Variants in PPTC7 observed in about 807,000 individuals in gnomAD.
PPTC7 encodes protein phosphatase PTC7 homolog.
PPTC7 carries 6 observed loss-of-function variants against 30.8 expected under a neutral mutation model. The ratio of observed to expected loss-of-function variants is 0.19; its 90% CI spans 0.11 to 0.38. PPTC7 has a LOEUF of 0.38. Ranked by LOEUF, PPTC7 falls within the 10% of genes least tolerant of loss-of-function variation. The pLI, the probability that PPTC7 is intolerant of heterozygous loss-of-function variation, is 1.00. For synonymous variants in PPTC7, 163 were observed against 168.1 expected, an observed-to-expected ratio of 0.97 and a Z score of 0.23; for missense variants, 218 against 404.8, an observed-to-expected ratio of 0.54 and a Z score of 3.96.
chr12:110,575,393 T>G (rs927288507), intron 1 of PPTC7, among the ~76,000 whole-genome samples: 2 of 151,972 alleles, frequency 1.3e-5, no homozygotes, highest in Non-Finnish European at 2.9e-5. Context: ...TAAAATGAAT[T>G]TGACATTTAG....
chr12:110,564,414 T>C (rs2064462843), intron 1 of PPTC7, among the ~76,000 whole-genome samples: 1 of 152,232 alleles, frequency 6.6e-6, no homozygotes, highest in African/African-American at 2.4e-5. Flanking sequence ...CTATCTGATA[T>C]ATGCCTACTT....
chr12:110,552,386 G>A (rs939966102), intron 1 of PPTC7, among the ~76,000 whole-genome samples: 8 of 152,154 alleles, frequency 5.3e-5, no homozygotes, highest in East Asian at 1.9e-4. Context: ...CATCAAAAGC[G>A]GCAACCTTTT....
At chr12:110,548,352 C>T (rs1157521004) in intron 2 of PPTC7, among the ~76,000 whole-genome samples, 1 of 152,172 alleles carries the variant, frequency 6.6e-6, no homozygotes, top group Non-Finnish European at 1.5e-5. Context: ...ATATACATGT[C>T]TTTCTCATGC....
chr12:110,539,693 T>C, intron 4 of PPTC7, 129 bp downstream of exon 4: 2 of 849,704 alleles, frequency 2.4e-6, no homozygotes, highest in South Asian at 2.1e-5. Context: ...ACCAGAGCTA[T>C]TATTATTTTC....
At chr12:110,542,398 G>C (rs1345891810) in intron 3 of PPTC7, among the ~76,000 whole-genome samples, 1 of 151,878 alleles carries the variant, frequency 6.6e-6, no homozygotes, top group Non-Finnish European at 1.5e-5. Flanking sequence ...CGGGCTGTGG[G>C]TGGTGGCTCA....
intron 1 of PPTC7, among the ~76,000 whole-genome samples, chr12:110,565,166 C>T (rs1423033148): frequency 6.6e-6 from 1 of 151,358 alleles, no homozygotes; most frequent in African/African-American, 2.4e-5. Context: ...CACGCCTGGC[C>T]TATATTTTTT....
At chr12:110,574,628 T>G (rs905941171) in intron 1 of PPTC7, among the ~76,000 whole-genome samples, 1 of 152,196 alleles carries the variant, frequency 6.6e-6, no homozygotes. Flanking sequence ...TCAACTCAAG[T>G]TGAAATGAAT....
At chr12:110,577,842 G>C (rs1050956546) in intron 1 of PPTC7, among the ~76,000 whole-genome samples, 2 of 152,116 alleles carry the variant, frequency 1.3e-5, no homozygotes, top group South Asian at 4.1e-4. Context: ...TCTAAACTGT[G>C]GTTTAGCATG....
intron 1 of PPTC7, among the ~76,000 whole-genome samples, chr12:110,557,753 T>C (rs182227552): frequency 7.9e-5 from 12 of 152,330 alleles, no homozygotes; most frequent in Non-Finnish European, 1.5e-4. Flanking sequence ...TACCTGAGAC[T>C]AGGTAATTTA....
intron 1 of PPTC7, among the ~76,000 whole-genome samples, chr12:110,568,621 T>A (rs2064506639): frequency 6.6e-6 from 1 of 152,164 alleles, no homozygotes; most frequent in South Asian, 2.1e-4. Context: ...AACATCAGGG[T>A]TGAAGTCTGT....
chr12:110,537,797 A>G lies in PPTC7; in HGVS notation c.856+347T>C, dbSNP rs896879712. 2.0e-5 allele frequency among the ~76,000 whole-genome samples: 3 copies of G among 152,338 alleles called. No individual in the cohort carries two copies. The East Asian group carries it at 5.8e-4, about 29-fold the overall frequency. On this transcript the variant is annotated intron_variant, in intron 5 of 5. Coordinates refer to ENST00000354300, the MANE Select transcript of PPTC7 (RefSeq NM_139283.2). ...GAGGAAGGGAGAAGCGAAATGTCAG[A>G]CACGTGAAAGGCTGAATGTTAAACT...
At chr12:110,569,409 A>G (rs1057427794) in intron 1 of PPTC7, among the ~76,000 whole-genome samples, 2 of 152,214 alleles carry the variant, frequency 1.3e-5, no homozygotes, top group Non-Finnish European at 2.9e-5. Context: ...AGCATTAAAG[A>G]AAAGTCTGGA....
chr12:110,577,984 A>G (rs1593169093), intron 1 of PPTC7, among the ~76,000 whole-genome samples: 1 of 152,288 alleles, frequency 6.6e-6, no homozygotes, highest in South Asian at 2.1e-4. Context: ...TTTAATTCAC[A>G]TATATCATCA....
At chr12:110,567,277 G>C (rs2064492938) in intron 1 of PPTC7, among the ~76,000 whole-genome samples, 1 of 152,096 alleles carries the variant, frequency 6.6e-6, no homozygotes, top group African/African-American at 2.4e-5. Context: ...TCCCTGAATC[G>C]GTGTGGCCAG....
At chr12:110,559,843 C>T (rs1481605540) in intron 1 of PPTC7, among the ~76,000 whole-genome samples, 1 of 152,042 alleles carries the variant, frequency 6.6e-6, no homozygotes, top group African/African-American at 2.4e-5. Flanking sequence ...AGAGATTCTC[C>T]CATTTCAGCC....
At chr12:110,576,284 T>C (rs1284445656) in intron 1 of PPTC7, among the ~76,000 whole-genome samples, 1 of 151,762 alleles carries the variant, frequency 6.6e-6, no homozygotes, top group East Asian at 1.9e-4. Flanking sequence ...TAATTATATG[T>C]ATATTAATAT....
At chr12:110,563,580 A>C (rs1281144968) in intron 1 of PPTC7, among the ~76,000 whole-genome samples, 1 of 152,130 alleles carries the variant, frequency 6.6e-6, no homozygotes, top group African/African-American at 2.4e-5. Flanking sequence ...GCGCCACTGC[A>C]CGCCAGCCTG....
intron 1 of PPTC7, among the ~76,000 whole-genome samples, chr12:110,571,961 T>A (rs2064540532): frequency 6.6e-6 from 1 of 152,210 alleles, no homozygotes; most frequent in Non-Finnish European, 1.5e-5. Context: ...GTTTTCTAGC[T>A]CTTATGGAAA....
rs2064272090 is a variant in PPTC7, at chr12:110,542,744, C to T, written c.603-2799G>A. On this transcript the variant is annotated intron_variant, in intron 3 of 5. Transcript: ENST00000354300. ...CTGCTCATAAAGAAACCTTTGAGGA[C>T]AGAATATGTGGCTAAGGGCAGGAAC... Among the ~76,000 whole-genome samples, 3 of 137,666 alleles carry T rather than the reference C, an allele frequency of 2.2e-5. No homozygotes were observed. In the Admixed American group the frequency reaches 2.2e-4, roughly 10 times the overall value. The allele number at this position is 137,666 out of a possible 152,430, so 90.3% of individuals were successfully genotyped here.
Sources: allele counts gnomAD v4.1 joint callset (sites outside exome capture counted in the v4.1 genomes callset), GRCh38; gene constraint gnomAD v4.1.1; transcripts MANE v1.5; gene names NCBI Gene and HGNC (gene_info 2026-07-23, HGNC 2026-07-21).